VIP: variants seen among roughly 807,000 people sequenced by gnomAD.
VIP encodes vasoactive intestinal peptide.
VIP carries 18 observed loss-of-function variants against 20.1 expected under a neutral mutation model. That is an observed-to-expected ratio of 0.90 (90% CI 0.62 to 1.33). The LOEUF (loss-of-function observed/expected upper bound fraction) is 1.33, where lower values mean the gene tolerates loss of function less well. Among genes scored for constraint, VIP ranks in the 40% most tolerant of loss-of-function variants. The pLI is 0.00. For missense variants in VIP, 209 were observed against 199.4 expected (o/e 1.05, Z -0.29); for synonymous variants, 70 against 68.1 (o/e 1.03, Z -0.14).
intron 3 of VIP, 28 bp from the exon 4 acceptor site, chr6:152,755,241 A>T: frequency 2.1e-6 from 3 of 1,446,756 alleles, no homozygotes; most frequent in Non-Finnish European, 2.8e-6. Flanking sequence ...TTACAAAATA[A>T]TAGCTATTTT....
Position 152,756,194 on chromosome 6 carries a change from C to T in VIP, c.396C>T (p.Asp132=), listed in dbSNP as rs1431842929. The change falls in exon 5 of 7, where the codon GAC becomes GAT. Residue 132 remains aspartate (D), a synonymous_variant. Coordinates refer to ENST00000367244, the MANE Select transcript of VIP (RefSeq NM_003381.4). Reference sequence around the variant, plus strand: ...GTCACTCAGATGCAGTCTTCACTGACAACTATACCCGCCTTAGAAAACAAA... The same window carrying T: ...GTCACTCAGATGCAGTCTTCACTGATAACTATACCCGCCTTAGAAAACAAA... The part of the protein sequence containing the change: ...VKRHSDAVFT[D]NYTRLRKQMA... The T allele has an allele frequency of 1.2e-6, 2 of 1,611,806 alleles. No individual in the cohort carries two copies. Among genetic ancestry groups the T allele is most frequent in the East Asian group, 4.5e-5 (2 of 44,822 alleles).
rs76153687 is a variant in VIP at position 152,756,122 on chromosome 6, C to T, written c.336-12C>T. On this transcript the variant is annotated splice_polypyrimidine_tract_variant and intron_variant, in intron 4 of 6. Transcript: ENST00000367244. ...GAAAACTCTTTGATTTCCTTTTCCT[C>T]ATGTTCCTTAGCAGTAACATCTCAG... is the stretch of plus-strand genomic sequence containing the variant. 8 of 1,525,780 alleles carry T rather than the reference C, an allele frequency of 5.2e-6. No individual in the cohort carries two copies. The East Asian group carries it at 1.9e-4, about 36-fold the overall frequency. The allele number at this position is 1,525,780 out of a possible 1,614,324, so 94.5% of individuals were successfully genotyped here. A position where few individuals can be genotyped will look rare whatever the true frequency, so the allele number is the denominator to read the frequency against.
At position 152,754,206 on chromosome 6, in the gene VIP, G is replaced by C. The variant is rs2129074420; in HGVS notation, c.148G>C (p.Asp50His). 2 of 1,611,776 alleles carry C rather than the reference G, an allele frequency of 1.2e-6. No homozygotes were observed. The highest frequency in any genetic ancestry group is 1.7e-6 in the Non-Finnish European group (2 of 1,178,672). The change falls in exon 3 of 7, where the codon GAT becomes CAT. Residue 50 changes from aspartate to histidine, a missense_variant. Asp to His is a moderately conservative substitution (Grantham distance 81). Coordinates refer to ENST00000367244, the MANE Select transcript of VIP (RefSeq NM_003381.4). ...ACCCTTTGAGGGAGCAAATGAACCT[G>C]ATCAAGTTTCATTAAAAGAAGACAT... ...RIPFEGANEPDQVSLKEDIDM... is the reference protein window; with the variant it reads ...RIPFEGANEPHQVSLKEDIDM...
At chr6:152,753,734 C>T (rs1360322607) in intron 2 of VIP, among the ~76,000 whole-genome samples, 1 of 152,056 alleles carries the variant, frequency 6.6e-6, no homozygotes, top group African/African-American at 2.4e-5. Context: ...ACAGGTAATA[C>T]TGAACATCAC....
At chr6:152,757,899 A>T (rs1422742636) in intron 6 of VIP, among the ~76,000 whole-genome samples, 2 of 151,984 alleles carry the variant, frequency 1.3e-5, no homozygotes, top group Non-Finnish European at 2.9e-5. Flanking sequence ...GTTACATTAC[A>T]TTAATATTCA....
rs777024766 is a variant in VIP, at chr6:152,752,227, G to T, written c.50G>T (p.Ser17Ile). The stretch of plus-strand genomic sequence containing the variant: ...CTCCTTGTGCTCCTGACTCTTCTCA[G>T]TGTGCTCTTCTCACAGACTTCGGCA... ...AQLLVLLTLL[S>I]VLFSQTSAWP... is the part of the protein sequence containing the mutation. Residue 17 changes from serine (S) to isoleucine (I), a missense_variant, in exon 2 of 7, where the codon AGT becomes ATT. By Grantham distance (142) the Ser-to-Ile change is moderately radical. Transcript: ENST00000367244. 9.3e-6 allele frequency: 15 copies of T among 1,613,486 alleles called. No individual in the cohort carries two copies. In the East Asian group the frequency reaches 3.3e-4, roughly 36 times the overall value.
chr6:152,752,920 T>C (rs901459231), intron 2 of VIP, among the ~76,000 whole-genome samples: 6 of 152,184 alleles, frequency 3.9e-5, no homozygotes, highest in Admixed American at 1.3e-4. Flanking sequence ...AACACAACTC[T>C]TATTTAAAAC....
rs1318471597 is a variant in VIP at position 152,755,342 on chromosome 6, T to A, written c.304T>A (p.Tyr102Asn). ...KLLGQLSAKK[Y>N]LESLMGKRVS... Reference sequence around the variant, plus strand: ...CTTGGGTCAACTTTCTGCCAAAAAGTACCTTGAGTCTCTTATGGGAAAACG... The same window carrying A: ...CTTGGGTCAACTTTCTGCCAAAAAGAACCTTGAGTCTCTTATGGGAAAACG... The change falls in exon 4 of 7, where the codon TAC (tyrosine) becomes AAC (asparagine). Residue 102 changes from tyrosine (Y) to asparagine (N), a missense_variant. By Grantham distance (143) the Tyr-to-Asn change is moderately radical. Transcript: ENST00000367244. The A allele has an allele frequency of 5.0e-6, 8 of 1,593,772 alleles. No individual in the cohort carries two copies. The African/African-American group carries it at 1.1e-4, about 21-fold the overall frequency.
At chr6:152,755,820 T>TAAA (rs200063614) in intron 4 of VIP, among the ~76,000 whole-genome samples, 1 of 145,680 alleles carries the variant, frequency 6.9e-6, no homozygotes, top group African/African-American at 2.5e-5. Context: ...ATGTTTTTTT[T>TAAA]AAAAAAAAAA....
In VIP at chr6:152,754,302, T is replaced by A; in HGVS notation, c.230+14T>A. The A allele has an allele frequency of 1.3e-6, 2 of 1,585,308 alleles. No homozygotes were observed. Among genetic ancestry groups the A allele is most frequent in the Non-Finnish European group, 1.7e-6 (2 of 1,166,740 alleles). On this transcript the variant is annotated intron_variant, in intron 3 of 6. Coordinates refer to ENST00000367244, the MANE Select transcript of VIP (RefSeq NM_003381.4). ...TGATGTATCCAGGTGAGTTTATTTTTATAAAACTATCCAATGAGTTTTATT... is the reference window on the plus strand; with the variant it reads ...TGATGTATCCAGGTGAGTTTATTTTAATAAAACTATCCAATGAGTTTTATT...
At chr6:152,755,823 A>T (rs997303923) in intron 4 of VIP, among the ~76,000 whole-genome samples, 17 of 151,808 alleles carry the variant, frequency 1.1e-4, no homozygotes, top group African/African-American at 4.1e-4. Flanking sequence ...TTTTTTTTAA[A>T]AAAAAAAAAA....
At chr6:152,753,360 G>A (rs1163549023) in intron 2 of VIP, among the ~76,000 whole-genome samples, 4 of 152,090 alleles carry the variant, frequency 2.6e-5, no homozygotes, top group African/African-American at 7.2e-5. Flanking sequence ...CTCCTTGGAT[G>A]TTTGCCCTAA....
chr6:152,753,371 C>T (rs753301260), intron 2 of VIP, among the ~76,000 whole-genome samples: 1 of 152,082 alleles, frequency 6.6e-6, no homozygotes, highest in South Asian at 2.1e-4. Flanking sequence ...TTTGCCCTAA[C>T]AGTGAAAATC....
intron 1 of VIP, among the ~76,000 whole-genome samples, chr6:152,751,960 A>G (rs1340954122): frequency 1.3e-5 from 2 of 152,202 alleles, no homozygotes; most frequent in African/African-American, 4.8e-5. Context: ...CAGCAGGTGA[A>G]AAGGATTCTA....
At chr6:152,757,294 T>A in intron 6 of VIP, 110 bp downstream of exon 6, 3 of 675,730 alleles carry the variant, frequency 4.4e-6, no homozygotes, top group Non-Finnish European at 7.4e-6. Flanking sequence ...TTTCTCATCA[T>A]GAGACCTCAT....
chr6:152,751,732 G>A (rs1039633750), intron 1 of VIP, among the ~76,000 whole-genome samples: 8 of 152,052 alleles, frequency 5.3e-5, no homozygotes, highest in African/African-American at 1.9e-4. Flanking sequence ...CACACGAGCA[G>A]AATAATTATT....
In VIP at chr6:152,758,325, T is replaced by C. The variant is rs1160535515; in HGVS notation, c.*44-585T>C. Among the ~76,000 whole-genome samples, 3 of 152,064 alleles carry C rather than the reference T, an allele frequency of 2.0e-5. No homozygotes were observed. The East Asian group carries it at 5.8e-4, about 29-fold the overall frequency. ...ATACCTGCTTAATTGACTGCTTTTG[T>C]CCACTAATTACCCTTAGACCTCTAA... On this transcript the variant is annotated intron_variant, in intron 6 of 6. Coordinates refer to ENST00000367244, the MANE Select transcript of VIP (RefSeq NM_003381.4).
At chr6:152,758,622 C>A (rs2099730771) in intron 6 of VIP, among the ~76,000 whole-genome samples, 1 of 151,924 alleles carries the variant, frequency 6.6e-6, no homozygotes, top group African/African-American at 2.4e-5. Context: ...TGGCTTTGGA[C>A]AAATTCTTTG....
At chr6:152,753,903 G>A (rs2099730021) in intron 2 of VIP, among the ~76,000 whole-genome samples, 1 of 152,038 alleles carries the variant, frequency 6.6e-6, no homozygotes, top group African/African-American at 2.4e-5. Flanking sequence ...TTAATGCTCT[G>A]ATAAGATTGA....
Sources: gnomAD v4.1 joint callset for allele counts (sites outside exome capture counted in the v4.1 genomes callset) on GRCh38, gnomAD v4.1.1 for gene constraint, MANE v1.5 for transcripts, NCBI Gene and HGNC (gene_info 2026-07-23, HGNC 2026-07-21) for gene names.